SMAD3: variants seen among roughly 807,000 people sequenced by gnomAD.
The protein encoded by SMAD3 is MAD homolog 3.
In SMAD3, 12 loss-of-function variants were observed where a neutral mutation model predicts 51.8. The ratio of observed to expected loss-of-function variants is 0.23; its 90% confidence interval spans 0.15 to 0.38. The LOEUF is 0.38. Among genes scored for constraint, SMAD3 ranks in the 10% least tolerant of loss-of-function variants. The pLI, the probability that SMAD3 is intolerant of heterozygous loss-of-function variation, is 1.00. For synonymous variants in SMAD3, 238 were observed against 227.7 expected, an observed-to-expected ratio of 1.05 and a Z score of -0.41; for missense variants, 294 against 565.6, an observed-to-expected ratio of 0.52 and a Z score of 4.87.
At chr15:67,128,300 A>G (rs1450386905) in intron 1 of SMAD3, 4 of 152,150 alleles carry the variant, frequency 2.6e-5, no homozygotes, top group African/African-American at 7.2e-5. Flanking sequence ...GCTTGGCTTC[A>G]TGGTCAGTGG....
intron 1 of SMAD3, among the ~76,000 whole-genome samples, chr15:67,119,054 A>G (rs1261991653): frequency 6.6e-6 from 1 of 152,216 alleles, no homozygotes; most frequent in African/African-American, 2.4e-5. Flanking sequence ...TTTGTGAGTC[A>G]TCATTGTATG....
chr15:67,193,223 C>T lies in SMAD3; in HGVS notation c.*2687C>T. The T allele has an allele frequency of 4.3e-6, 1 of 233,412 alleles. No individual in the cohort carries two copies. Among genetic ancestry groups the T allele is most frequent in the Non-Finnish European group, 8.5e-6 (1 of 118,046 alleles). 14.5% of individuals were successfully genotyped at this position (233,412 alleles called of 1,614,324 possible). A position where few individuals can be genotyped will look rare whatever the true frequency, so the allele number is the denominator to read the frequency against. On this transcript the variant is annotated 3_prime_UTR_variant, in exon 9 of 9. Coordinates refer to ENST00000327367, the MANE Select transcript of SMAD3 (RefSeq NM_005902.4). ...AGGGCAAGAGGAAACCAGGGCAGTT[C>T]TAGAGGAGTGCTGGTGACTGGATAG... is the stretch of plus-strand genomic sequence containing the variant.
intron 1 of SMAD3, among the ~76,000 whole-genome samples, chr15:67,111,372 T>C (rs1490683220): frequency 1.3e-5 from 2 of 152,232 alleles, no homozygotes; most frequent in Non-Finnish European, 1.5e-5. Flanking sequence ...TATACCACAT[T>C]TTGTTTGTCC....
chr15:67,129,944 G>A (rs149818715), intron 1 of SMAD3, among the ~76,000 whole-genome samples: 185 of 152,276 alleles, frequency 1.2e-3, no homozygotes, highest in African/African-American at 4.2e-3. Flanking sequence ...GGATTTCTTC[G>A]TTAGGTCAGT....
chr15:67,139,992 C>T (rs1012621744), intron 1 of SMAD3, among the ~76,000 whole-genome samples: 5 of 152,070 alleles, frequency 3.3e-5, no homozygotes, highest in Non-Finnish European at 5.9e-5. Flanking sequence ...TGTGGTGGCA[C>T]ATGCCTGTAA....
intron 1 of SMAD3, among the ~76,000 whole-genome samples, chr15:67,126,403 C>T (rs866371997): frequency 5.7e-4 from 87 of 152,228 alleles, no homozygotes; most frequent in Middle Eastern, 3.4e-3. Flanking sequence ...CCACAGCTGT[C>T]TGTTTCTTGG....
intron 1 of SMAD3, among the ~76,000 whole-genome samples, chr15:67,115,836 C>T (rs1336370583): frequency 6.6e-6 from 1 of 152,188 alleles, no homozygotes; most frequent in Non-Finnish European, 1.5e-5. Flanking sequence ...CATGAGAAGT[C>T]CAGGGAGCCT....
chr15:67,146,351 G>A (rs969982067), intron 1 of SMAD3, among the ~76,000 whole-genome samples: 1 of 152,230 alleles, frequency 6.6e-6, no homozygotes, highest in African/African-American at 2.4e-5. Context: ...TGGAGGAGCA[G>A]AGAGTATGCC....
At position 67,138,116 on chromosome 15, in the gene SMAD3, C is replaced by T. The variant is rs539491144; in HGVS notation, c.207-26779C>T. 8.6e-4 allele frequency: 1,326 copies of T among 1,543,206 alleles called. 1 individual carries two copies. Among genetic ancestry groups the T allele is most frequent in the Non-Finnish European group, 1.1e-3 (1,279 of 1,139,290 alleles). The stretch of plus-strand genomic sequence containing the variant: ...GGATGGGGAGGTAGGAGCCCCGTGC[C>T]GGGACATGTCTTTTCTCTTTCTTGA... On this transcript the variant is annotated intron_variant, in intron 1 of 8. Coordinates refer to ENST00000327367, the MANE Select transcript of SMAD3 (RefSeq NM_005902.4).
chr15:67,155,391 T>C (rs1962255241), intron 1 of SMAD3, among the ~76,000 whole-genome samples: 1 of 152,236 alleles, frequency 6.6e-6, no homozygotes, highest in African/African-American at 2.4e-5. Context: ...AGGGCTTTCT[T>C]ATTTGTTCCT....
At chr15:67,177,249 T>C (rs1595952797) in intron 5 of SMAD3, among the ~76,000 whole-genome samples, 1 of 152,104 alleles carries the variant, frequency 6.6e-6, no homozygotes, top group Admixed American at 6.6e-5. Context: ...TCCCTTTTTG[T>C]CTTGTCTACT....
chr15:67,130,035 G>C (rs888969196), intron 1 of SMAD3, among the ~76,000 whole-genome samples: 3 of 152,216 alleles, frequency 2.0e-5, no homozygotes, highest in Admixed American at 6.5e-5. Context: ...GGTGGGACCA[G>C]AGCTTGGTCT....
At chr15:67,149,670 C>T (rs1962077090) in intron 1 of SMAD3, among the ~76,000 whole-genome samples, 1 of 151,366 alleles carries the variant, frequency 6.6e-6, no homozygotes, top group South Asian at 2.1e-4. Context: ...TTTTTAGGTA[C>T]AATAGGAGGT....
At chr15:67,098,871 T>G in intron 1 of SMAD3, 1 of 701,716 alleles carries the variant, frequency 1.4e-6, no homozygotes, top group Non-Finnish European at 2.6e-6. Flanking sequence ...AGGGCATACA[T>G]GGATGGGAGG....
intron 5 of SMAD3, among the ~76,000 whole-genome samples, chr15:67,176,408 C>A (rs1324712729): frequency 6.6e-6 from 1 of 152,180 alleles, no homozygotes; most frequent in Non-Finnish European, 1.5e-5. Flanking sequence ...CTGCCTTCCG[C>A]AGGTGAGGTG....
Position 67,181,247 on chromosome 15 carries a change from A to G in SMAD3, c.665A>G (p.Gln222Arg), listed in dbSNP as rs755924969. Residue 222 changes from glutamine (Q) to arginine (R), a missense_variant, in exon 6 of 9, where the codon CAG becomes CGG. Transcript: ENST00000327367. ...MSPAHNNLDL[Q>R]PVTYCEPAFW... ...GCCCACCCTGTGTCCACAGACCTGC[A>G]GCCAGTTACCTACTGCGAGCCGGCC... 8 of 1,612,466 alleles carry G rather than the reference A, an allele frequency of 5.0e-6. No individual in the cohort carries two copies. In the East Asian group the frequency reaches 1.3e-4, roughly 27 times the overall value.
At chr15:67,180,859 G>A (rs1963031605) in intron 5 of SMAD3, among the ~76,000 whole-genome samples, 1 of 152,180 alleles carries the variant, frequency 6.6e-6, no homozygotes, top group African/African-American at 2.4e-5. Flanking sequence ...GGCTGTCCCA[G>A]GTTCATCCAG....
chr15:67,142,920 T>A, intron 1 of SMAD3: 1 of 424,938 alleles, frequency 2.4e-6, no homozygotes, highest in South Asian at 1.6e-5. Flanking sequence ...GTCGGCTCAC[T>A]CCTGGGTTGG....
chr15:67,086,886 A>G (rs890743225), intron 1 of SMAD3, among the ~76,000 whole-genome samples: 1 of 140,234 alleles, frequency 7.1e-6, no homozygotes, highest in Admixed American at 7.1e-5. Context: ...CACATTGCAT[A>G]TCTTCTCCTT....
Sources: allele counts gnomAD v4.1 joint callset (sites outside exome capture counted in the v4.1 genomes callset), GRCh38; gene constraint gnomAD v4.1.1; transcripts MANE v1.5; gene names NCBI Gene and HGNC (gene_info 2026-07-23, HGNC 2026-07-21).